Variants in ZDHHC2 observed in about 807,000 individuals in gnomAD.
ZDHHC2 encodes the protein zDHHC palmitoyltransferase 2.
In ZDHHC2, 51 loss-of-function variants were observed where a neutral mutation model predicts 55.6. The observed-to-expected ratio is 0.92, with a 90% CI of 0.73 to 1.16. The LOEUF is 1.16. ZDHHC2 is among the 50% of genes most tolerant of loss of function. The probability of loss-of-function intolerance (pLI) is 0.00; values close to 1 mark genes in which losing one functional copy is unlikely to be tolerated. For synonymous variants in ZDHHC2, 199 were observed against 152.9 expected, an observed-to-expected ratio of 1.30 and a Z score of -2.22; for missense variants, 491 against 442.4, an observed-to-expected ratio of 1.11 and a Z score of -0.99.
At chr8:17,176,822 A>C (rs967412138) in intron 1 of ZDHHC2, among the ~76,000 whole-genome samples, 2 of 152,188 alleles carry the variant, frequency 1.3e-5, no homozygotes, top group African/African-American at 2.4e-5. Flanking sequence ...AACAAAGAAA[A>C]AAAAAGAAAC....
intron 6 of ZDHHC2, among the ~76,000 whole-genome samples, chr8:17,199,604 T>TTCTTCTTCTTC (rs1806608119): frequency 2.2e-5 from 1 of 44,692 alleles, no homozygotes; most frequent in Admixed American, 2.0e-4. Flanking sequence ...TCTTCTTTAT[T>TTCTTCTTCTTC]CTTTCTTCTT....
At chr8:17,183,176 C>A (rs1358345829) in intron 1 of ZDHHC2, among the ~76,000 whole-genome samples, 2 of 152,336 alleles carry the variant, frequency 1.3e-5, no homozygotes, top group East Asian at 3.9e-4. Context: ...CTGGAATGGT[C>A]AGTAAGGGTC....
intron 6 of ZDHHC2, among the ~76,000 whole-genome samples, chr8:17,198,641 C>T (rs142637296): frequency 1.6e-4 from 25 of 152,220 alleles, no homozygotes; most frequent in Middle Eastern, 3.4e-3. Context: ...AAGTTAATAT[C>T]GCATGTTAGC....
chr8:17,179,805 A>G (rs886158451), intron 1 of ZDHHC2, among the ~76,000 whole-genome samples: 2 of 152,184 alleles, frequency 1.3e-5, no homozygotes, highest in South Asian at 2.1e-4. Flanking sequence ...CTCTCTTCCT[A>G]TATACCGTCA....
intron 3 of ZDHHC2, among the ~76,000 whole-genome samples, chr8:17,193,113 T>C (rs1199847327): frequency 2.6e-5 from 4 of 152,228 alleles, no homozygotes; most frequent in Admixed American, 2.6e-4. Flanking sequence ...CTTCCAGTTT[T>C]GTTCTTTTTA....
Position 17,195,515 on chromosome 8 carries a change from T to A in ZDHHC2, c.264T>A (p.Ser88=). The change falls in exon 4 of 13, where the codon TCT becomes TCA. Residue 88 remains serine (S), a synonymous_variant. Transcript: ENST00000262096. The part of the protein sequence containing the change: ...PMNPSKEFHL[S]YAEKDLLERE... ...AATGTATTCCACAGTTCCATCTCTC[T>A]TATGCAGAGAAAGATTTGTTGGAGA... The A allele has an allele frequency of 6.2e-7, 1 of 1,613,390 alleles. No individual in the cohort carries two copies. Among genetic ancestry groups the A allele is most frequent in the Non-Finnish European group, 8.5e-7 (1 of 1,179,592 alleles).
chr8:17,194,888 G>C (rs139627312), intron 3 of ZDHHC2, among the ~76,000 whole-genome samples: 11 of 151,986 alleles, frequency 7.2e-5, no homozygotes, highest in Admixed American at 3.9e-4. Context: ...ATTTATACAG[G>C]TGTATGTGTG....
chr8:17,171,808 G>A (rs935771369), intron 1 of ZDHHC2, among the ~76,000 whole-genome samples: 3 of 151,004 alleles, frequency 2.0e-5, no homozygotes, highest in Admixed American at 1.3e-4. Flanking sequence ...TGTATGAGGT[G>A]TAATGCCCAA....
Position 17,195,582 on chromosome 8 carries a change from G to A in ZDHHC2, c.331G>A (p.Ala111Thr), listed in dbSNP as rs1806264854. The change falls in exon 4 of 13, where the codon GCA becomes ACA. Residue 111 changes from alanine to threonine, a missense_variant. Ala to Thr is a moderately conservative substitution (Grantham distance 58). Coordinates refer to ENST00000262096, the MANE Select transcript of ZDHHC2 (RefSeq NM_016353.5). ...GEAHQEVLRRAAKDLPIYTRT... is the reference protein window; with the variant it reads ...GEAHQEVLRRTAKDLPIYTRT... ...AGCCCATCAGGAAGTTCTTAGGCGA[G>A]CAGCCAAGGATCTTCCCATCTATAC... The A allele has an allele frequency of 6.2e-7, 1 of 1,613,822 alleles. No homozygotes were observed. Among genetic ancestry groups the A allele is most frequent in the African/African-American group, 1.3e-5 (1 of 74,926 alleles).
chr8:17,165,684 C>T (rs1160911022), intron 1 of ZDHHC2, among the ~76,000 whole-genome samples: 3 of 152,074 alleles, frequency 2.0e-5, no homozygotes, highest in African/African-American at 7.2e-5. Flanking sequence ...AAATAAAAAA[C>T]ATAAGTACAT....
chr8:17,173,343 C>T (rs77648933), intron 1 of ZDHHC2, among the ~76,000 whole-genome samples: 2,930 of 152,252 alleles, frequency 0.019, 50 homozygotes, highest in Non-Finnish European at 0.031. Flanking sequence ...ACCAACCTCA[C>T]AGATTGTTGT....
intron 6 of ZDHHC2, among the ~76,000 whole-genome samples, chr8:17,203,336 T>G (rs2150935631): frequency 6.6e-6 from 1 of 152,256 alleles, no homozygotes; most frequent in East Asian, 1.9e-4. Context: ...GTTCAAGTGC[T>G]TCTCCTGCCT....
chr8:17,207,871 A>C, intron 7 of ZDHHC2, 89 bp from the exon 8 acceptor site: 1 of 613,202 alleles, frequency 1.6e-6, no homozygotes, highest in East Asian at 6.4e-5. Flanking sequence ...AATTTTAAGC[A>C]AAAAAAAAAA....
intron 10 of ZDHHC2, 35 bp downstream of exon 10, chr8:17,210,515 T>C: frequency 6.5e-7 from 1 of 1,533,508 alleles, no homozygotes; most frequent in South Asian, 1.2e-5. Flanking sequence ...TACTTTCAAA[T>C]AAGATATTTT....
chr8:17,185,964 T>C (rs1156501720), intron 2 of ZDHHC2, among the ~76,000 whole-genome samples: 5 of 152,242 alleles, frequency 3.3e-5, no homozygotes, highest in Non-Finnish European at 2.9e-5. Flanking sequence ...TCTTAAAGCC[T>C]GAGTGTTTTA....
rs76943093 is a variant in ZDHHC2 at position 17,196,524 on chromosome 8, C to T, written c.373+900C>T. Among the ~76,000 whole-genome samples the T allele has an allele frequency of 1.6e-3, 241 of 151,044 alleles. 2 individuals are homozygous for T. Among genetic ancestry groups the T allele is most frequent in the African/African-American group, 5.7e-3 (234 of 41,100 alleles). On this transcript the variant is annotated intron_variant, in intron 4 of 12. Transcript: ENST00000262096. ...AGCTGTGGTTGCACCACTGCACTGC[C>T]GCCTGGGTGACAGAGTGAGACCCTG...
At chr8:17,192,432 G>A (rs966303426) in intron 3 of ZDHHC2, among the ~76,000 whole-genome samples, 12 of 152,186 alleles carry the variant, frequency 7.9e-5, no homozygotes, top group Non-Finnish European at 1.5e-4. Context: ...TTTGAGAAAT[G>A]TCTATTCAGA....
intron 1 of ZDHHC2, among the ~76,000 whole-genome samples, chr8:17,176,396 G>A (rs1283050719): frequency 6.6e-6 from 1 of 152,012 alleles, no homozygotes; most frequent in Non-Finnish European, 1.5e-5. Flanking sequence ...AGCAGTTCCT[G>A]CTTATTTACT....
intron 1 of ZDHHC2, among the ~76,000 whole-genome samples, chr8:17,158,848 C>T (rs188932108): frequency 6.6e-6 from 1 of 152,324 alleles, no homozygotes; most frequent in East Asian, 1.9e-4. Flanking sequence ...GGCGCAATGC[C>T]TGCCACATTG....
Sources: allele counts gnomAD v4.1 joint callset (sites outside exome capture counted in the v4.1 genomes callset), GRCh38; gene constraint gnomAD v4.1.1; transcripts MANE v1.5; gene names NCBI Gene and HGNC (gene_info 2026-07-23, HGNC 2026-07-21).